The following BLK variants were observed in gnomAD, a reference collection of about 807,000 sequenced individuals.
The protein encoded by BLK is BLK proto-oncogene, Src family tyrosine kinase.
BLK carries 64 observed loss-of-function variants against 61.8 expected under a neutral mutation model. The ratio of observed to expected loss-of-function variants is 1.03; its 90% CI spans 0.85 to 1.27. The LOEUF is 1.27. BLK is among the 50% of genes most tolerant of loss of function. The pLI is 0.00. For synonymous variants in BLK, 351 were observed against 272.0 expected (o/e 1.29, Z -2.86); for missense variants, 853 against 660.5 (o/e 1.29, Z -3.19).
chr8:11,503,519 C>T (rs1340036523), intron 1 of BLK, among the ~76,000 whole-genome samples: 1 of 152,138 alleles, frequency 6.6e-6, no homozygotes, highest in Non-Finnish European at 1.5e-5. Context: ...CCATCCTGTG[C>T]CCAAGCCTTA....
In BLK at chr8:11,497,090, G is replaced by A. The variant is rs1013780249; in HGVS notation, c.-2+2499G>A. On this transcript the variant is annotated intron_variant, in intron 1 of 12. Coordinates refer to ENST00000259089, the MANE Select transcript of BLK (RefSeq NM_001715.3). Reference sequence around the variant, plus strand: ...GAGCCCTACTCAAAGGTGATGCTGCGCCTGATTAGAGAAAAGCTTCCAAAG... The same window carrying A: ...GAGCCCTACTCAAAGGTGATGCTGCACCTGATTAGAGAAAAGCTTCCAAAG... Among the ~76,000 whole-genome samples, 10 of 152,114 alleles carry A rather than the reference G, an allele frequency of 6.6e-5. No individual in the cohort carries two copies. The East Asian group carries it at 1.5e-3, about 23-fold the overall frequency.
intron 1 of BLK, among the ~76,000 whole-genome samples, chr8:11,539,292 G>T (rs960975421): frequency 4.6e-5 from 7 of 152,068 alleles, no homozygotes; most frequent in Non-Finnish European, 1.0e-4. Flanking sequence ...TACTTTTCTC[G>T]TGTAACAACA....
At chr8:11,524,980 A>T (rs1421291617) in intron 1 of BLK, among the ~76,000 whole-genome samples, 1 of 151,008 alleles carries the variant, frequency 6.6e-6, no homozygotes, top group Non-Finnish European at 1.5e-5. Context: ...CTGTCTCTGG[A>T]TGATGGCATT....
chr8:11,531,807 C>G (rs1023454451), intron 1 of BLK, among the ~76,000 whole-genome samples: 1 of 152,198 alleles, frequency 6.6e-6, no homozygotes, highest in Non-Finnish European at 1.5e-5. Flanking sequence ...AGCCCTCTGA[C>G]CTTCCTTCTG....
intron 1 of BLK, among the ~76,000 whole-genome samples, chr8:11,538,500 G>A (rs1554449180): frequency 6.6e-6 from 1 of 152,332 alleles, no homozygotes; most frequent in South Asian, 2.1e-4. Flanking sequence ...GGACAGAAGT[G>A]TAAGTAGTGG....
At chr8:11,544,717 C>T (rs1478008808) in intron 2 of BLK, among the ~76,000 whole-genome samples, 1 of 152,172 alleles carries the variant, frequency 6.6e-6, no homozygotes, top group Non-Finnish European at 1.5e-5. Flanking sequence ...CCTCGAGACC[C>T]TTCTTCCGTG....
intron 1 of BLK, among the ~76,000 whole-genome samples, chr8:11,498,261 C>T (rs956768881): frequency 3.3e-5 from 5 of 152,158 alleles, no homozygotes; most frequent in African/African-American, 7.2e-5. Flanking sequence ...ATGTGTGAAA[C>T]GCACAATGCC....
At chr8:11,522,808 C>T (rs971574096) in intron 1 of BLK, among the ~76,000 whole-genome samples, 1 of 151,750 alleles carries the variant, frequency 6.6e-6, no homozygotes, top group Non-Finnish European at 1.5e-5. Context: ...CTAAAACATA[C>T]AGAGTAGCAA....
At chr8:11,528,381 A>C (rs1202899696) in intron 1 of BLK, among the ~76,000 whole-genome samples, 1 of 152,178 alleles carries the variant, frequency 6.6e-6, no homozygotes, top group Non-Finnish European at 1.5e-5. Context: ...TTTCTTCCAA[A>C]GTTACTTTGG....
intron 2 of BLK, among the ~76,000 whole-genome samples, chr8:11,544,017 C>T (rs1800509131): frequency 6.6e-6 from 1 of 150,432 alleles, no homozygotes; most frequent in Admixed American, 6.6e-5. Flanking sequence ...GGCTGGAGTG[C>T]AGTGGTGGGA....
At chr8:11,543,179 G>A (rs202082437) in intron 1 of BLK, 45 bp from the exon 2 acceptor site, 14 of 1,612,268 alleles carry the variant, frequency 8.7e-6, no homozygotes, top group Admixed American at 6.7e-5. Context: ...GAGGATCTGA[G>A]GCCCCGCTCT....
chr8:11,555,504 G>C lies in BLK; in HGVS notation c.772+20G>C. On this transcript the variant is annotated intron_variant, in intron 8 of 12. Coordinates refer to ENST00000259089, the MANE Select transcript of BLK (RefSeq NM_001715.3). ...GGATGGGTGAGTGTGTGCACACGTG[G>C]GAGCATTTCTCCCCCCATTCCACCT... 1 of 1,613,844 alleles carries C rather than the reference G, an allele frequency of 6.2e-7. No homozygotes were observed. Among genetic ancestry groups the C allele is most frequent in the Non-Finnish European group, 8.5e-7 (1 of 1,179,934 alleles).
intron 1 of BLK, among the ~76,000 whole-genome samples, chr8:11,533,739 G>A (rs143384171): frequency 6.6e-6 from 1 of 152,280 alleles, no homozygotes; most frequent in African/African-American, 2.4e-5. Context: ...AAAATGCTTT[G>A]CAGGCTGGAA....
intron 1 of BLK, among the ~76,000 whole-genome samples, chr8:11,519,179 T>C (rs1799342300): frequency 6.6e-6 from 1 of 152,096 alleles, no homozygotes; most frequent in Non-Finnish European, 1.5e-5. Flanking sequence ...GTCTCAAAAG[T>C]TCTTGTTCAG....
chr8:11,514,331 C>T (rs776608964), intron 1 of BLK, among the ~76,000 whole-genome samples: 3 of 152,182 alleles, frequency 2.0e-5, no homozygotes, highest in Non-Finnish European at 2.9e-5. Context: ...TTGTCCTTTG[C>T]GAGAGAGAGG....
intron 1 of BLK, among the ~76,000 whole-genome samples, chr8:11,518,291 A>G (rs1184182247): frequency 6.6e-6 from 1 of 152,272 alleles, no homozygotes; most frequent in East Asian, 1.9e-4. Context: ...ATCCTGTTAG[A>G]GCTTAGGCTT....
At chr8:11,558,418 C>T (rs1002341744) in intron 10 of BLK, 1 of 362,318 alleles carries the variant, frequency 2.8e-6, no homozygotes, top group Non-Finnish European at 5.4e-6. Context: ...TCATCTCTTC[C>T]TTAGATGGTG....
At chr8:11,529,547 G>A (rs186219352) in intron 1 of BLK, among the ~76,000 whole-genome samples, 5 of 152,136 alleles carry the variant, frequency 3.3e-5, no homozygotes, top group South Asian at 4.2e-4. Context: ...GAGCAGTTTG[G>A]GGGGTGGGAG....
At chr8:11,508,114 G>A (rs1335850792) in intron 1 of BLK, among the ~76,000 whole-genome samples, 1 of 152,222 alleles carries the variant, frequency 6.6e-6, no homozygotes, top group Non-Finnish European at 1.5e-5. Context: ...GGCTGGGAAG[G>A]ACTAGAGCCA....
Sources: allele counts gnomAD v4.1 joint callset (sites outside exome capture counted in the v4.1 genomes callset), GRCh38; gene constraint gnomAD v4.1.1; transcripts MANE v1.5; gene names NCBI Gene and HGNC (gene_info 2026-07-23, HGNC 2026-07-21).